DCC: variants seen among roughly 807,000 people sequenced by gnomAD.
DCC encodes the protein netrin receptor DCC.
Under a neutral mutation model 172.5 loss-of-function variants are expected in DCC, and 58 were observed. The ratio of observed to expected loss-of-function variants is 0.34; its 90% CI spans 0.27 to 0.42. The LOEUF (loss-of-function observed/expected upper bound fraction) is 0.42, where lower values mean the gene tolerates loss of function less well. Ranked by LOEUF, DCC falls within the 10% of genes least tolerant of loss-of-function variation. The pLI is 1.00. For missense variants in DCC, 1,740 were observed against 1,791.0 expected (o/e 0.97, Z 0.51); for synonymous variants, 709 against 644.5 (o/e 1.10, Z -1.52).
chr18:53,225,183 G>A (rs141708857), intron 12 of DCC, among the ~76,000 whole-genome samples: 276 of 152,266 alleles, frequency 1.8e-3, no homozygotes, highest in African/African-American at 6.4e-3. Context: ...AGGGAGATAT[G>A]ACATTCGAGA....
intron 2 of DCC, among the ~76,000 whole-genome samples, chr18:52,854,464 C>G (rs1451111680): frequency 6.6e-6 from 1 of 152,084 alleles, no homozygotes; most frequent in African/African-American, 2.4e-5. Context: ...GTAAACCTAC[C>G]AGGAGTAAAC....
intron 1 of DCC, among the ~76,000 whole-genome samples, chr18:52,720,384 C>G (rs1324601624): frequency 6.6e-6 from 1 of 152,084 alleles, no homozygotes; most frequent in African/African-American, 2.4e-5. Flanking sequence ...GAATGTAGAT[C>G]CAGAATTTGA....
chr18:53,070,452 A>C (rs2042637465), intron 7 of DCC, among the ~76,000 whole-genome samples: 1 of 152,174 alleles, frequency 6.6e-6, no homozygotes, highest in African/African-American at 2.4e-5. Flanking sequence ...CCAATAGTTG[A>C]GCTTATTCAG....
intron 12 of DCC, among the ~76,000 whole-genome samples, chr18:53,279,202 G>T (rs990565330): frequency 5.3e-5 from 8 of 152,066 alleles, no homozygotes; most frequent in Non-Finnish European, 1.0e-4. Context: ...GCACACGTAT[G>T]CTTATTGTGG....
chr18:52,654,209 C>T (rs1039807614), intron 1 of DCC, among the ~76,000 whole-genome samples: 5 of 152,112 alleles, frequency 3.3e-5, no homozygotes, highest in South Asian at 2.1e-4. Flanking sequence ...GAGAAACATA[C>T]AGTTTGGTTA....
At chr18:52,781,206 TG>T (rs2145185455) in intron 2 of DCC, among the ~76,000 whole-genome samples, 1 of 152,244 alleles carries the variant, frequency 6.6e-6, no homozygotes, top group East Asian at 1.9e-4. Flanking sequence ...TTGGTTTCAT[TG>T]TGTTGCATTC....
chr18:53,250,189 G>C (rs2056412921), intron 12 of DCC, among the ~76,000 whole-genome samples: 1 of 151,742 alleles, frequency 6.6e-6, no homozygotes, highest in Non-Finnish European at 1.5e-5. Context: ...CTGATGATCA[G>C]GTTAAGTGGC....
intron 1 of DCC, among the ~76,000 whole-genome samples, chr18:52,460,276 T>C (rs940193527): frequency 1.3e-5 from 2 of 152,184 alleles, no homozygotes; most frequent in Non-Finnish European, 2.9e-5. Flanking sequence ...GCACCAAAAC[T>C]ATTCTTGATA....
intron 7 of DCC, among the ~76,000 whole-genome samples, chr18:53,112,809 A>G (rs919201167): frequency 5.9e-5 from 9 of 151,678 alleles, no homozygotes; most frequent in Admixed American, 2.0e-4. Flanking sequence ...GCCACAGAAT[A>G]TGGTGAAGTA....
intron 1 of DCC, among the ~76,000 whole-genome samples, chr18:52,632,472 G>A (rs2034695348): frequency 6.6e-6 from 1 of 152,178 alleles, no homozygotes; most frequent in Non-Finnish European, 1.5e-5. Flanking sequence ...TCCCCACTGG[G>A]ATACCAGCAA....
intron 15 of DCC, among the ~76,000 whole-genome samples, chr18:53,348,110 C>A (rs1431191941): frequency 6.6e-6 from 1 of 152,156 alleles, no homozygotes; most frequent in Non-Finnish European, 1.5e-5. Context: ...AGTCCACAGT[C>A]CAATGTCTCA....
intron 8 of DCC, among the ~76,000 whole-genome samples, chr18:53,161,705 C>T (rs1254826689): frequency 1.3e-5 from 2 of 152,114 alleles, no homozygotes; most frequent in Admixed American, 6.5e-5. Flanking sequence ...CAGAGTTCCC[C>T]CCACTTTTGA....
At chr18:53,274,527 T>C (rs938695117) in intron 12 of DCC, among the ~76,000 whole-genome samples, 2 of 152,176 alleles carry the variant, frequency 1.3e-5, no homozygotes, top group Admixed American at 6.6e-5. Flanking sequence ...GATTTGCCTC[T>C]CTGTTCTTTA....
At chr18:52,969,582 C>CTCT (rs60961374) in intron 5 of DCC, among the ~76,000 whole-genome samples, 23 of 80,066 alleles carry the variant, frequency 2.9e-4, no homozygotes, top group Middle Eastern at 6.7e-3. Context: ...GCCCCGCCCC[C>CTCT]CACTCTCTCT....
intron 7 of DCC, among the ~76,000 whole-genome samples, chr18:53,089,407 A>AT (rs1252847639): frequency 3.3e-5 from 5 of 151,714 alleles, no homozygotes; most frequent in Non-Finnish European, 5.9e-5. Context: ...TTTTTAAGTA[A>AT]TTTTTTCCTC....
In DCC at chr18:53,310,929, GA is replaced by G. The variant is rs913813810; in HGVS notation, c.2053+5214del. Among the ~76,000 whole-genome samples the G allele has an allele frequency of 2.7e-5, 4 of 150,656 alleles. No individual in the cohort carries two copies. In the Admixed American group the frequency reaches 2.7e-4, roughly 10 times the overall value. ...CAACAACTGAATTTTTTACAGCTAT[GA>G]AAAGCATTGCTAGTTACACCGTACT... On this transcript the variant is annotated intron_variant, in intron 13 of 28. Transcript: ENST00000442544.
chr18:53,238,445 T>A (rs574120876), intron 12 of DCC, among the ~76,000 whole-genome samples: 103 of 152,286 alleles, frequency 6.8e-4, no homozygotes, highest in African/African-American at 2.4e-3. Context: ...TACACAGAAT[T>A]GAAATATTTC....
chr18:52,501,736 A>T (rs2031029270), intron 1 of DCC, among the ~76,000 whole-genome samples: 2 of 152,160 alleles, frequency 1.3e-5, no homozygotes, highest in African/African-American at 4.8e-5. Context: ...TATTGCTGTC[A>T]AAATTTCTGA....
At chr18:53,276,849 T>G (rs2056811921) in intron 12 of DCC, among the ~76,000 whole-genome samples, 1 of 152,020 alleles carries the variant, frequency 6.6e-6, no homozygotes, top group Non-Finnish European at 1.5e-5. Context: ...AATGAGAAAT[T>G]TTACTATGGA....
Sources: gnomAD v4.1 joint callset for allele counts (sites outside exome capture counted in the v4.1 genomes callset) on GRCh38, gnomAD v4.1.1 for gene constraint, MANE v1.5 for transcripts, NCBI Gene and HGNC (gene_info 2026-07-23, HGNC 2026-07-21) for gene names.